Variants in OSBPL9 observed in about 807,000 individuals in gnomAD.
OSBPL9 encodes oxysterol binding protein like 9.
In OSBPL9, 40 loss-of-function variants were observed where a neutral mutation model predicts 106.6. The ratio of observed to expected loss-of-function variants is 0.38; its 90% confidence interval spans 0.29 to 0.49. The LOEUF (loss-of-function observed/expected upper bound fraction) is 0.49, where lower values mean the gene tolerates loss of function less well. Among genes scored for constraint, OSBPL9 ranks in the 20% least tolerant of loss-of-function variants. The pLI, the probability that OSBPL9 is intolerant of heterozygous loss-of-function variation, is 0.97. For synonymous variants in OSBPL9, 269 were observed against 295.4 expected (o/e 0.91, Z 0.92); for missense variants, 609 against 887.2 (o/e 0.69, Z 3.98).
intron 6 of OSBPL9, among the ~76,000 whole-genome samples, chr1:51,747,568 T>TTTTTTTTTTTGTTTTTTTTTTTTTTTTC (rs1668269529): frequency 6.8e-6 from 1 of 147,314 alleles, no homozygotes; most frequent in Non-Finnish European, 1.5e-5. Flanking sequence ...TTTTTTTTTT[T>TTTTTTTTTTTGTTTTTTTTTTTTTTTTC]TTTTTTTTTG....
At chr1:51,648,598 AGAGG>A (rs2148696920) in intron 1 of OSBPL9, among the ~76,000 whole-genome samples, 1 of 152,052 alleles carries the variant, frequency 6.6e-6, no homozygotes, top group East Asian at 1.9e-4. Context: ...CTGAGTGGAG[AGAGG>A]GAGGGAGAGG....
chr1:51,576,098 A>C (rs1359103043), upstream of OSBPL9, among the ~76,000 whole-genome samples: 1 of 152,208 alleles, frequency 6.6e-6, no homozygotes, highest in African/African-American at 2.4e-5. Flanking sequence ...ACTTACATTA[A>C]ATACATTTCT....
At chr1:51,657,272 G>A (rs1486695864) in intron 2 of OSBPL9, among the ~76,000 whole-genome samples, 12 of 152,132 alleles carry the variant, frequency 7.9e-5, no homozygotes, top group Non-Finnish European at 4.4e-5. Flanking sequence ...AAAGAACAAA[G>A]CAAAACACCC....
chr1:51,670,607 A>G (rs1223970787), intron 3 of OSBPL9, among the ~76,000 whole-genome samples: 2 of 152,216 alleles, frequency 1.3e-5, no homozygotes, highest in Non-Finnish European at 2.9e-5. Flanking sequence ...AACCTAAACC[A>G]GTGTACTCAA....
intron 20 of OSBPL9, 99 bp from the exon 21 acceptor site, chr1:51,785,709 G>C (rs1346283564): frequency 3.1e-6 from 3 of 964,536 alleles, no homozygotes; most frequent in Non-Finnish European, 3.2e-6. Context: ...CTTCACAGTT[G>C]CTCTTCTGTG....
At chr1:51,584,130 AC>A (rs1645235486) in intron 1 of OSBPL9, among the ~76,000 whole-genome samples, 1 of 152,104 alleles carries the variant, frequency 6.6e-6, no homozygotes, top group South Asian at 2.1e-4. Flanking sequence ...AGATGGGATT[AC>A]AGGTGCAAGC....
At chr1:51,567,002 G>T in the OSBPL9 span, among the ~76,000 whole-genome samples, 2 of 152,160 alleles carry the variant, frequency 1.3e-5, no homozygotes, top group Admixed American at 1.3e-4. Context: ...TCTAGGCTCG[G>T]TTCCTGCCTC....
In OSBPL9 at chr1:51,621,185, C is replaced by A. The variant is rs928806077; in HGVS notation, c.111+3964C>A. Among the ~76,000 whole-genome samples the A allele has an allele frequency of 4.6e-5, 7 of 152,114 alleles. No individual in the cohort carries two copies. In the South Asian group the frequency reaches 6.2e-4, roughly 13 times the overall value. On this transcript the variant is annotated intron_variant, in intron 1 of 23. Coordinates refer to ENST00000428468, the MANE Select transcript of OSBPL9 (RefSeq NM_024586.6). ...TATTGAATTATTTTTAGAGCAGATC[C>A]CAGATTATTATTTCTTGTGAATATT...
chr1:51,723,636 T>C (rs1370247869), intron 4 of OSBPL9, among the ~76,000 whole-genome samples: 1 of 151,990 alleles, frequency 6.6e-6, no homozygotes, highest in African/African-American at 2.4e-5. Context: ...AGCCTTGAAT[T>C]CCTGGGCTCA....
At chr1:51,617,969 A>G (rs979589490) in intron 1 of OSBPL9, among the ~76,000 whole-genome samples, 1 of 150,526 alleles carries the variant, frequency 6.6e-6, no homozygotes, top group East Asian at 1.9e-4. Context: ...GTGGAAAAGT[A>G]GATGAATTGC....
chr1:51,584,911 G>C lies in OSBPL9; in HGVS notation c.-423+7655G>C, dbSNP rs1034218577. Among the ~76,000 whole-genome samples the C allele has an allele frequency of 3.3e-5, 5 of 152,162 alleles. 1 individual carries two copies. Among genetic ancestry groups the C allele is most frequent in the Middle Eastern group, 6.8e-3 (2 of 294 alleles). Reference sequence around the variant, plus strand: ...TCTCAGATTTCTCACCTGTAAATGGGGAAAAGGTGGGCATTTGGGGTTAGA... The same window carrying C: ...TCTCAGATTTCTCACCTGTAAATGGCGAAAAGGTGGGCATTTGGGGTTAGA... On this transcript the variant is annotated intron_variant, in intron 1 of 25. Coordinates refer to the OSBPL9 transcript ENST00000371714.
intron 1 of OSBPL9, among the ~76,000 whole-genome samples, chr1:51,581,987 A>G (rs776234897): frequency 6.6e-6 from 1 of 152,144 alleles, no homozygotes; most frequent in Non-Finnish European, 1.5e-5. Flanking sequence ...CCATTTCTCT[A>G]AGGAGGCCTA....
At chr1:51,613,768 G>T (rs1167022331), upstream of OSBPL9, among the ~76,000 whole-genome samples, 2 of 147,086 alleles carry the variant, frequency 1.4e-5, no homozygotes, top group African/African-American at 2.5e-5. Flanking sequence ...ACAGGGTCTT[G>T]ATCTGTTGCC....
At chr1:51,657,942 CA>C (rs568971208) in intron 2 of OSBPL9, among the ~76,000 whole-genome samples, 9 of 151,078 alleles carry the variant, frequency 6.0e-5, no homozygotes, top group African/African-American at 2.2e-4. Context: ...TACAAACAAA[CA>C]AAAAAAATGA....
the OSBPL9 span, among the ~76,000 whole-genome samples, chr1:51,554,862 C>T: frequency 2.0e-5 from 3 of 152,160 alleles, no homozygotes; most frequent in Non-Finnish European, 4.4e-5. Context: ...GCCTAAATGT[C>T]GAAGGGCTTA....
chr1:51,604,240 A>G (rs1440542225), intron 2 of OSBPL9, among the ~76,000 whole-genome samples: 1 of 152,148 alleles, frequency 6.6e-6, no homozygotes, highest in Admixed American at 6.5e-5. Flanking sequence ...TACTGCCTCT[A>G]CCACTTCATT....
chr1:51,546,435 C>T, the OSBPL9 span, among the ~76,000 whole-genome samples: 2 of 152,042 alleles, frequency 1.3e-5, no homozygotes, highest in Non-Finnish European at 2.9e-5. Context: ...CGGTGGCTCA[C>T]GCCTGTAATC....
At chr1:51,616,856 A>T (rs1644070620), upstream of OSBPL9, 1 of 441,872 alleles carries the variant, frequency 2.3e-6, no homozygotes, top group Non-Finnish European at 3.9e-6. Context: ...TTTTTTCTTT[A>T]CTCTAATCCC....
chr1:51,774,517 T>C (rs577257045), intron 14 of OSBPL9, among the ~76,000 whole-genome samples: 132 of 152,214 alleles, frequency 8.7e-4, no homozygotes, highest in Non-Finnish European at 1.0e-3. Flanking sequence ...TCAGATACTT[T>C]CCAAAAAGAG....
Sources: allele counts gnomAD v4.1 joint callset (sites outside exome capture counted in the v4.1 genomes callset), GRCh38; gene constraint gnomAD v4.1.1; transcripts MANE v1.5; gene names NCBI Gene and HGNC (gene_info 2026-07-23, HGNC 2026-07-21).